PLAG1: variants seen among roughly 807,000 people sequenced by gnomAD.
PLAG1 encodes zinc finger protein PLAG1.
Under a neutral mutation model 35.5 loss-of-function variants are expected in PLAG1, and 7 were observed. That is an observed-to-expected ratio of 0.20 (90% CI 0.11 to 0.37). The LOEUF is 0.37. Ranked by LOEUF, PLAG1 falls within the 10% of genes least tolerant of loss-of-function variation. PLAG1 has a pLI of 1.00. For synonymous variants in PLAG1, 229 were observed against 225.4 expected (o/e 1.02, Z -0.14); for missense variants, 454 against 602.8 (o/e 0.75, Z 2.58).
At chr8:56,191,742 G>A (rs1812188214) in intron 1 of PLAG1, among the ~76,000 whole-genome samples, 1 of 147,336 alleles carries the variant, frequency 6.8e-6, no homozygotes, top group South Asian at 2.1e-4. Context: ...CACCTTAACA[G>A]AACCTGTGGT....
chr8:56,208,373 A>C (rs1812756525), intron 1 of PLAG1, among the ~76,000 whole-genome samples: 1 of 152,146 alleles, frequency 6.6e-6, no homozygotes. Flanking sequence ...TGATGAGATT[A>C]ATCTTTTAAT....
chr8:56,204,256 C>G (rs1812638606), intron 1 of PLAG1, among the ~76,000 whole-genome samples: 1 of 151,852 alleles, frequency 6.6e-6, no homozygotes, highest in African/African-American at 2.4e-5. Flanking sequence ...TATTGTAACT[C>G]TCTCAGGGTA....
intron 1 of PLAG1, among the ~76,000 whole-genome samples, chr8:56,208,042 C>T (rs1379224046): frequency 6.6e-6 from 1 of 152,034 alleles, no homozygotes; most frequent in African/African-American, 2.4e-5. Context: ...CTGAATAACA[C>T]GATAATCTAA....
In PLAG1 at chr8:56,207,821, C is replaced by T. The variant is rs148558411; in HGVS notation, c.-322+3300G>A. Among the ~76,000 whole-genome samples, 9 of 152,228 alleles carry T rather than the reference C, an allele frequency of 5.9e-5. No homozygotes were observed. In the East Asian group the frequency reaches 1.7e-3, roughly 29 times the overall value. ...CAATCACTTCAAATTAAATATTGTGCTGTGCCCCATCTAAATAAGACTCTC... is the reference window on the plus strand; with the variant it reads ...CAATCACTTCAAATTAAATATTGTGTTGTGCCCCATCTAAATAAGACTCTC... On this transcript the variant is annotated intron_variant, in intron 1 of 4. Transcript: ENST00000316981.
At chr8:56,205,464 A>G (rs1447833379) in intron 1 of PLAG1, among the ~76,000 whole-genome samples, 1 of 151,886 alleles carries the variant, frequency 6.6e-6, no homozygotes, top group Admixed American at 6.6e-5. Context: ...TCATTATGAA[A>G]CCAGCAATTG....
At position 56,162,458 on chromosome 8, in the gene PLAG1, T is replaced by C. The variant is rs1217714125; in HGVS notation, c.*3785A>G. The C allele has an allele frequency of 4.6e-6, 1 of 219,616 alleles. No homozygotes were observed. The highest frequency in any genetic ancestry group is 9.1e-6 in the Non-Finnish European group (1 of 109,356). The allele number at this position is 219,616 out of a possible 1,614,324, so 13.6% of individuals were successfully genotyped here. A position where few individuals can be genotyped will look rare whatever the true frequency, so the allele number is the denominator to read the frequency against. Reference sequence around the variant, plus strand: ...TAAGAAAACACTGTAAAAATGTACCTGTTTAAAATACCATCTACCATTTTT... The same window carrying C: ...TAAGAAAACACTGTAAAAATGTACCCGTTTAAAATACCATCTACCATTTTT... On this transcript the variant is annotated 3_prime_UTR_variant, in exon 5 of 5. Coordinates refer to ENST00000316981, the MANE Select transcript of PLAG1 (RefSeq NM_002655.3).
chr8:56,162,680 CTATAA>C lies in PLAG1; in HGVS notation c.*3558_*3562del, dbSNP rs775951300. 28 of 209,474 alleles carry C rather than the reference CTATAA, an allele frequency of 1.3e-4. No individual in the cohort carries two copies. Among genetic ancestry groups the C allele is most frequent in the Non-Finnish European group, 1.6e-4 (16 of 103,012 alleles). 13.0% of individuals were successfully genotyped at this position (209,474 alleles called of 1,614,324 possible). On this transcript the variant is annotated 3_prime_UTR_variant, in exon 5 of 5. Coordinates refer to ENST00000316981, the MANE Select transcript of PLAG1 (RefSeq NM_002655.3). The stretch of plus-strand genomic sequence containing the variant: ...CTCTATTTTTTAAAAAAATATTGGC[CTATAA>C]TATGTGTATTGCTCACTAGATGAAC...
At chr8:56,187,332 A>G (rs1812049862) in intron 1 of PLAG1, among the ~76,000 whole-genome samples, 1 of 152,214 alleles carries the variant, frequency 6.6e-6, no homozygotes, top group South Asian at 2.1e-4. Flanking sequence ...GGGCCCGAAA[A>G]CATGAATCCT....
intron 1 of PLAG1, among the ~76,000 whole-genome samples, chr8:56,188,879 T>C (rs1488621145): frequency 2.0e-5 from 3 of 152,140 alleles, no homozygotes; most frequent in Non-Finnish European, 4.4e-5. Flanking sequence ...ATGAAACGTG[T>C]GGGGATAATA....
intron 1 of PLAG1, among the ~76,000 whole-genome samples, chr8:56,189,400 T>C (rs1812116099): frequency 6.6e-6 from 1 of 152,178 alleles, no homozygotes; most frequent in Non-Finnish European, 1.5e-5. Flanking sequence ...AGAAAGTTCG[T>C]CTTCCCCAAC....
intron 1 of PLAG1, among the ~76,000 whole-genome samples, chr8:56,204,724 T>C (rs1812650534): frequency 6.6e-6 from 1 of 151,892 alleles, no homozygotes; most frequent in Admixed American, 6.6e-5. Context: ...TCACAATCAA[T>C]ATATATATGT....
chr8:56,192,034 G>T lies in PLAG1; in HGVS notation c.-321-12521C>A, dbSNP rs149547973. 2.1e-3 allele frequency among the ~76,000 whole-genome samples: 314 copies of T among 152,330 alleles called. 1 individual carries two copies. The highest frequency in any genetic ancestry group is 7.0e-3 in the African/African-American group (292 of 41,570). On this transcript the variant is annotated intron_variant, in intron 1 of 4. Transcript: ENST00000316981. ...TCAAAGGGAAATGCAATGACGGCAG[G>T]TGGTGATGGCTAAGAATGGAAAACA...
chr8:56,166,266 G>A lies in PLAG1; in HGVS notation c.1480C>T (p.Arg494Cys), dbSNP rs764507623. 2.5e-6 allele frequency: 4 copies of A among 1,597,740 alleles called. No homozygotes were observed. The highest frequency in any genetic ancestry group is 1.7e-4 in the Middle Eastern group (1 of 5,972). ...SSLSTSTTLP[R>C]FHQAFQ ...TCCTACTGAAAAGCTTGATGGAAAC[G>A]TGGGAGGGTGGTACTTGTGCTTAAA... The change falls in exon 5 of 5, where the codon CGT (arginine) becomes TGT (cysteine). Residue 494 changes from arginine to cysteine, a missense_variant. Physicochemically the swap from Arg to Cys is radical, Grantham distance 180. This residue lies in a region of PLAG1 where 271 missense variants were observed against 315.6 expected (regional missense o/e 0.86). Transcript: ENST00000316981.
At chr8:56,210,940 A>AT (rs1196322173) in intron 1 of PLAG1, among the ~76,000 whole-genome samples, 181 bp downstream of exon 1, 2 of 149,816 alleles carry the variant, frequency 1.3e-5, no homozygotes, top group African/African-American at 4.9e-5. Context: ...ATTTTATTTT[A>AT]TTTTTTATTA....
intron 1 of PLAG1, among the ~76,000 whole-genome samples, chr8:56,191,092 T>G (rs767546881): frequency 6.6e-6 from 1 of 152,202 alleles, no homozygotes; most frequent in Non-Finnish European, 1.5e-5. Context: ...CCACAGGCCC[T>G]GGACTCATGC....
intron 1 of PLAG1, among the ~76,000 whole-genome samples, chr8:56,185,677 G>A (rs1238178294): frequency 6.6e-6 from 1 of 152,158 alleles, no homozygotes; most frequent in Non-Finnish European, 1.5e-5. Flanking sequence ...GTCAAACTTG[G>A]AGGAAGCCAG....
Position 56,165,681 on chromosome 8 carries a change from A to T in PLAG1, c.*562T>A. 1 of 197,428 alleles carries T rather than the reference A, an allele frequency of 5.1e-6. No homozygotes were observed. The highest frequency in any genetic ancestry group is 8.0e-5 in the East Asian group (1 of 12,576). 12.2% of individuals were successfully genotyped at this position (197,428 alleles called of 1,614,324 possible). On this transcript the variant is annotated 3_prime_UTR_variant, in exon 5 of 5. Transcript: ENST00000316981. ...CAAATATTTTAGCCAGACAACAGGGAGTCTTCAGAATATACTGATCTGAAA... is the reference window on the plus strand; with the variant it reads ...CAAATATTTTAGCCAGACAACAGGGTGTCTTCAGAATATACTGATCTGAAA...
Position 56,166,358 on chromosome 8 carries a change from A to C in PLAG1, c.1388T>G (p.Leu463Arg). The change falls in exon 5 of 5, where the codon CTT becomes CGT. Residue 463 changes from leucine to arginine, a missense_variant. Around this residue, in one of 4 missense-constraint regions of PLAG1, gnomAD observed 271 missense variants for 315.6 expected, o/e 0.86. Coordinates refer to ENST00000316981, the MANE Select transcript of PLAG1 (RefSeq NM_002655.3). Reference sequence around the variant, plus strand: ...CCCTATAGTGTTTGCAGGATCCTGAAGATCCTGTGTTTGTGGGGGGAGCTG... The same window carrying C: ...CCCTATAGTGTTTGCAGGATCCTGACGATCCTGTGTTTGTGGGGGGAGCTG... ...VSQLPPQTQD[L>R]QDPANTIGLG... 1 of 1,613,618 alleles carries C rather than the reference A, an allele frequency of 6.2e-7. No homozygotes were observed. The highest frequency in any genetic ancestry group is 8.5e-7 in the Non-Finnish European group (1 of 1,179,542).
intron 1 of PLAG1, among the ~76,000 whole-genome samples, chr8:56,190,425 A>G (rs1812149104): frequency 6.6e-6 from 1 of 152,190 alleles, no homozygotes; most frequent in African/African-American, 2.4e-5. Context: ...AGGGAGGTAG[A>G]GCCAAGGTAA....
Sources: gnomAD v4.1 joint callset for allele counts (sites outside exome capture counted in the v4.1 genomes callset) on GRCh38, gnomAD v4.1.1 for gene constraint, gnomAD v4.1.1 regional missense constraint, MANE v1.5 for transcripts, NCBI Gene and HGNC (gene_info 2026-07-23, HGNC 2026-07-21) for gene names.